The following CAPS2 variants were observed in gnomAD, a reference collection of about 807,000 sequenced individuals.
CAPS2 encodes the protein calcyphosin-2.
CAPS2 carries 98 observed loss-of-function variants against 86.5 expected under a neutral mutation model. The observed-to-expected ratio is 1.13, with a 90% CI of 0.96 to 1.34. The LOEUF is 1.34. Among genes scored for constraint, CAPS2 ranks in the 40% most tolerant of loss-of-function variants. The pLI is 0.00. For missense variants in CAPS2, 729 were observed against 686.8 expected (o/e 1.06, Z -0.69); for synonymous variants, 210 against 225.1 (o/e 0.93, Z 0.60).
At chr12:75,350,452 T>C (rs1424617723) in intron 1 of CAPS2, among the ~76,000 whole-genome samples, 1 of 152,154 alleles carries the variant, frequency 6.6e-6, no homozygotes, top group Non-Finnish European at 1.5e-5. Context: ...CTGGCGGGCA[T>C]CAGGTCAATG....
At chr12:75,384,815 T>C (rs991930912) in intron 1 of CAPS2, among the ~76,000 whole-genome samples, 1 of 151,214 alleles carries the variant, frequency 6.6e-6, no homozygotes, top group Non-Finnish European at 1.5e-5. Flanking sequence ...CATGATGGAG[T>C]GGAATTTATT....
chr12:75,363,300 CTGT>C (rs1222218568), intron 1 of CAPS2: 9 of 437,814 alleles, frequency 2.1e-5, no homozygotes, highest in Admixed American at 4.4e-5. Context: ...CAAGATTTGA[CTGT>C]TGTTATCTTA....
intron 1 of CAPS2, among the ~76,000 whole-genome samples, chr12:75,345,005 G>A (rs2042355473): frequency 6.6e-6 from 1 of 151,992 alleles, no homozygotes; most frequent in Admixed American, 6.6e-5. Flanking sequence ...CTTGTAAATG[G>A]GTCAGACTAG....
At position 75,291,250 on chromosome 12, in the gene CAPS2, CT is replaced by C. The variant is rs1423533815; in HGVS notation, c.1240+493del. 2.6e-5 allele frequency among the ~76,000 whole-genome samples: 4 copies of C among 151,076 alleles called. No homozygotes were observed. The East Asian group carries it at 5.9e-4, about 22-fold the overall frequency. On this transcript the variant is annotated intron_variant, in intron 13 of 16. Coordinates refer to ENST00000393284, the Ensembl canonical transcript of CAPS2. Reference sequence around the variant, plus strand: ...AACATCAATCTGGCTCCCAGTCTAGCTTTTTTTTCTTTTACACTAGGACACC... The same window carrying C: ...AACATCAATCTGGCTCCCAGTCTAGCTTTTTTTCTTTTACACTAGGACACC...
chr12:75,321,869 CT>C (rs1171344601), intron 4 of CAPS2, among the ~76,000 whole-genome samples: 1 of 152,016 alleles, frequency 6.6e-6, no homozygotes, highest in African/African-American at 2.4e-5. Flanking sequence ...ACTTATCTTT[CT>C]TCTTAGGAGT....
At chr12:75,333,373 C>CAT (rs946783924), upstream of CAPS2, among the ~76,000 whole-genome samples, 12 of 151,702 alleles carry the variant, frequency 7.9e-5, no homozygotes, top group South Asian at 2.1e-4. Context: ...CAGGAAGAGA[C>CAT]ATATATATAT....
At chr12:75,380,700 T>C (rs1036195640) in intron 1 of CAPS2, among the ~76,000 whole-genome samples, 1 of 152,210 alleles carries the variant, frequency 6.6e-6, no homozygotes, top group African/African-American at 2.4e-5. Context: ...GGTATTACTA[T>C]GCCAAGCACT....
intron 1 of CAPS2, among the ~76,000 whole-genome samples, chr12:75,390,152 T>C (rs189941409): frequency 2.0e-5 from 3 of 152,378 alleles, no homozygotes; most frequent in African/African-American, 7.2e-5. Flanking sequence ...CCAAAACTAA[T>C]ACTTGCTTTT....
Position 75,290,232 on chromosome 12 carries a change from T to C in CAPS2, c.1241-457A>G, listed in dbSNP as rs550967176. On this transcript the variant is annotated intron_variant, in intron 13 of 16. Coordinates refer to ENST00000393284, the Ensembl canonical transcript of CAPS2. ...TCAGTTCAACATTTTAAAAATAGTT[T>C]GAAATCTTCAAATTGTAACTTCTAT... 1.1e-4 allele frequency among the ~76,000 whole-genome samples: 17 copies of C among 152,332 alleles called. 1 individual carries two copies. The South Asian group carries it at 2.7e-3, about 24-fold the overall frequency.
exon 17 of CAPS2, chr12:75,278,326 C>T (rs1354044554): frequency 2.5e-5 from 25 of 983,810 alleles, no homozygotes; most frequent in African/African-American, 5.2e-5. Context: ...TTGAAATATT[C>T]TATATACAGA....
At position 75,370,729 on chromosome 12, in the gene CAPS2, G is replaced by GA. The variant is rs564635159; in HGVS notation, c.-395+20108dup. The stretch of plus-strand genomic sequence containing the variant: ...AAATTAAAGTTGCACTCTTCTAGGA[G>GA]ATTTATTTTTAAATATGCCCCACAG... On this transcript the variant is annotated intron_variant, in intron 1 of 5. Transcript: ENST00000551829. Among the ~76,000 whole-genome samples the GA allele has an allele frequency of 8.5e-5, 13 of 152,220 alleles. No homozygotes were observed. In the South Asian group the frequency reaches 2.7e-3, roughly 32 times the overall value.
chr12:75,367,751 A>G (rs1157753022), intron 1 of CAPS2, among the ~76,000 whole-genome samples: 1 of 152,264 alleles, frequency 6.6e-6, no homozygotes, highest in East Asian at 1.9e-4. Context: ...CGTTAAAAAT[A>G]ATGCGTTTTG....
intron 15 of CAPS2, among the ~76,000 whole-genome samples, chr12:75,282,865 C>A (rs2034224663): frequency 6.6e-6 from 1 of 152,116 alleles, no homozygotes; most frequent in Non-Finnish European, 1.5e-5. Flanking sequence ...AATCTGTACT[C>A]AATTAGAAAG....
In CAPS2 at chr12:75,299,835, A is replaced by T. The variant is rs757308732; in HGVS notation, c.854+2T>A. On this transcript the variant is annotated splice_donor_variant, in intron 9 of 16. Coordinates refer to ENST00000393284, the Ensembl canonical transcript of CAPS2. LOFTEE classifies it high-confidence loss of function. ...TAAAAATTTTAATAAAATCACAATT[A>T]CCGTGATACGATCCTACCATCAAAC... The T allele has an allele frequency of 8.3e-6, 12 of 1,449,462 alleles. No individual in the cohort carries two copies. Among genetic ancestry groups the T allele is most frequent in the Non-Finnish European group, 1.9e-6 (2 of 1,060,748 alleles). 89.8% of individuals were successfully genotyped at this position (1,449,462 alleles called of 1,614,324 possible).
intron 1 of CAPS2, among the ~76,000 whole-genome samples, chr12:75,357,529 T>A (rs1293406516): frequency 2.0e-5 from 3 of 152,090 alleles, no homozygotes; most frequent in Non-Finnish European, 4.4e-5. Context: ...CATGGTAGAC[T>A]ATACCACCCC....
At chr12:75,298,826 C>A in intron 10 of CAPS2, 45 bp downstream of exon 10, 1 of 1,593,166 alleles carries the variant, frequency 6.3e-7, no homozygotes, top group Non-Finnish European at 8.6e-7. Flanking sequence ...TAGCTTCTCT[C>A]GGAAGTGAAC....
chr12:75,333,789 A>G (rs2041511580), upstream of CAPS2: 2 of 152,260 alleles, frequency 1.3e-5, no homozygotes, highest in African/African-American at 4.8e-5. Flanking sequence ...ATTGTAAACA[A>G]CTTCAAATTA....
chr12:75,337,320 C>A (rs1188206046), intron 1 of CAPS2, among the ~76,000 whole-genome samples: 2 of 151,246 alleles, frequency 1.3e-5, no homozygotes, highest in Non-Finnish European at 3.0e-5. Context: ...TGGTTTAAAA[C>A]TATATATTAA....
At chr12:75,285,206 G>C in intron 14 of CAPS2, 126 bp from the exon 15 acceptor site, 1 of 861,670 alleles carries the variant, frequency 1.2e-6, no homozygotes, top group African/African-American at 1.8e-5. Flanking sequence ...GAAAATTGAA[G>C]AAGCTACATA....
Sources: allele counts gnomAD v4.1 joint callset (sites outside exome capture counted in the v4.1 genomes callset), GRCh38; gene constraint gnomAD v4.1.1; transcripts MANE v1.5; gene names NCBI Gene and HGNC (gene_info 2026-07-23, HGNC 2026-07-21).